The following ALPL variants were observed in gnomAD, a reference collection of about 807,000 sequenced individuals.
ALPL encodes alkaline phosphatase, tissue-nonspecific isozyme.
In ALPL, 42 loss-of-function variants were observed where a neutral mutation model predicts 51.3. That is an observed-to-expected ratio of 0.82 (90% CI 0.64 to 1.06). The LOEUF (loss-of-function observed/expected upper bound fraction) is 1.06. ALPL is among the 50% of genes least tolerant of loss of function. The probability of loss-of-function intolerance (pLI) is 0.00; values close to 1 mark genes in which losing one functional copy is unlikely to be tolerated. For missense variants in ALPL, 589 were observed against 709.4 expected (o/e 0.83, Z 1.93); for synonymous variants, 279 against 296.4 (o/e 0.94, Z 0.60).
intron 1 of ALPL, among the ~76,000 whole-genome samples, chr1:21,517,809 T>A (rs1392173059): frequency 6.6e-6 from 1 of 152,124 alleles, no homozygotes; most frequent in Non-Finnish European, 1.5e-5. Context: ...CCAGCATGTC[T>A]CCTTCCTCTC....
intron 8 of ALPL, 71 bp downstream of exon 8, chr1:21,570,445 C>A: frequency 6.6e-7 from 1 of 1,510,042 alleles, no homozygotes; most frequent in South Asian, 1.1e-5. Flanking sequence ...GTGGCCAGCA[C>A]CTGGGGACAA....
intron 1 of ALPL, among the ~76,000 whole-genome samples, chr1:21,517,799 CCA>C (rs1643828877): frequency 1.8e-4 from 28 of 152,116 alleles, no homozygotes; most frequent in Admixed American, 1.7e-3. Flanking sequence ...TGGCGAATAG[CCA>C]GCATGTCTCC....
At chr1:21,522,817 G>A (rs910769178) in intron 1 of ALPL, among the ~76,000 whole-genome samples, 2 of 152,178 alleles carry the variant, frequency 1.3e-5, no homozygotes, top group African/African-American at 4.8e-5. Flanking sequence ...GGGGACTTTA[G>A]AGAAGAAATG....
intron 8 of ALPL, among the ~76,000 whole-genome samples, chr1:21,571,300 C>A (rs1310108083): frequency 1.3e-5 from 2 of 152,130 alleles, no homozygotes; most frequent in African/African-American, 2.4e-5. Flanking sequence ...TGGAGACAAC[C>A]CCTGGGTTGT....
chr1:21,548,065 C>T (rs1167135487), intron 1 of ALPL, among the ~76,000 whole-genome samples: 2 of 152,204 alleles, frequency 1.3e-5, no homozygotes, highest in Admixed American at 6.5e-5. Context: ...ACTGGCCATG[C>T]GTAATCAGGC....
Position 21,558,885 on chromosome 1 carries a change from C to T in ALPL, c.62-1741C>T, listed in dbSNP as rs373753208. Among the ~76,000 whole-genome samples, 14 of 152,320 alleles carry T rather than the reference C, an allele frequency of 9.2e-5. No homozygotes were observed. The East Asian group carries it at 1.7e-3, about 19-fold the overall frequency. On this transcript the variant is annotated intron_variant, in intron 2 of 11. Transcript: ENST00000374840. ...AGAGCCACGGCGACGCGTGAGTTTCCGGTTCTCCCACTTGGGGCCCTAATC... is the reference window on the plus strand; with the variant it reads ...AGAGCCACGGCGACGCGTGAGTTTCTGGTTCTCCCACTTGGGGCCCTAATC...
rs35423948 is a variant in ALPL at position 21,563,291 on chromosome 1, CG to C, written c.472+12del. On this transcript the variant is annotated splice_region_variant and intron_variant, in intron 5 of 11. Transcript: ENST00000374840. ...CGCTGGGCCAAGGACGCTGGTGAGT[CG>C]GGGGAGCAGTGGGGAGCAGGGCCAG... 0.15 allele frequency: 245,629 copies of C among 1,607,190 alleles called. 20,642 individuals are homozygous for C. Among genetic ancestry groups the C allele is most frequent in the Middle Eastern group, 0.21 (1,207 of 5,880 alleles).
chr1:21,548,062 A>G (rs915609440), intron 1 of ALPL, among the ~76,000 whole-genome samples: 1 of 152,202 alleles, frequency 6.6e-6, no homozygotes, highest in Admixed American at 6.5e-5. Flanking sequence ...TGCACTGGCC[A>G]TGCGTAATCA....
intron 1 of ALPL, among the ~76,000 whole-genome samples, chr1:21,522,562 C>T (rs1300311917): frequency 2.0e-5 from 3 of 152,124 alleles, no homozygotes; most frequent in Non-Finnish European, 4.4e-5. Flanking sequence ...AATATGGGAA[C>T]CACCTCCCCT....
chr1:21,516,027 C>T (rs990956617), intron 1 of ALPL, among the ~76,000 whole-genome samples: 15 of 152,160 alleles, frequency 9.9e-5, no homozygotes, highest in Admixed American at 2.6e-4. Context: ...CACAGGCATT[C>T]GCCACCACGC....
chr1:21,522,098 G>T (rs1358228360), intron 1 of ALPL, among the ~76,000 whole-genome samples: 2 of 146,630 alleles, frequency 1.4e-5, no homozygotes, highest in East Asian at 4.0e-4. Context: ...TTGAGATGGA[G>T]TCTCGCTCTG....
intron 1 of ALPL, among the ~76,000 whole-genome samples, chr1:21,536,439 C>T (rs563782765): frequency 4.2e-4 from 64 of 152,264 alleles, no homozygotes; most frequent in Admixed American, 8.5e-4. Context: ...AAAGCCAAGA[C>T]GCACAATGGG....
At chr1:21,545,721 A>AGTGGCT (rs1644246276) in intron 1 of ALPL, among the ~76,000 whole-genome samples, 1 of 152,214 alleles carries the variant, frequency 6.6e-6, no homozygotes. Context: ...TCTTCTACTA[A>AGTGGCT]GTGGCTGCGC....
chr1:21,577,533 C>T lies in ALPL; in HGVS notation c.1460C>T (p.Ala487Val), dbSNP rs1229517379. The T allele has an allele frequency of 1.2e-6, 2 of 1,606,918 alleles. No homozygotes were observed. The highest frequency in any genetic ancestry group is 1.1e-5 in the South Asian group (1 of 91,084). The change falls in exon 12 of 12, where the codon GCA becomes GTA. Residue 487 changes from alanine to valine, a missense_variant. Transcript: ENST00000374840. The part of the protein sequence containing the change: ...QNYVPHVMAY[A>V]ACIGANLGHC... The stretch of plus-strand genomic sequence containing the variant: ...TACGTCCCCCACGTGATGGCGTATG[C>T]AGCCTGCATCGGGGCCAACCTCGGC...
At position 21,576,522 on chromosome 1, in the gene ALPL, G is replaced by T. The variant is rs1400042777; in HGVS notation, c.1190G>T (p.Gly397Val). ...GYTPRGNSIF[G>V]LAPMLSDTDK... ...CCCTGAACACCCCCTCCCTGTGCAGGTCTGGCCCCCATGCTGAGTGACACA... is the reference window on the plus strand; with the variant it reads ...CCCTGAACACCCCCTCCCTGTGCAGTTCTGGCCCCCATGCTGAGTGACACA... Residue 397 changes from glycine (G) to valine (V), a missense_variant and splice_region_variant, in exon 11 of 12, where the codon GGT becomes GTT. By Grantham distance (109) the Gly-to-Val change is moderately radical (BLOSUM62 -3). Transcript: ENST00000374840. The T allele has an allele frequency of 6.2e-7, 1 of 1,613,826 alleles. No individual in the cohort carries two copies. The highest frequency in any genetic ancestry group is 8.5e-7 in the Non-Finnish European group (1 of 1,179,850).
At chr1:21,553,021 T>A (rs1644353203) in intron 1 of ALPL, among the ~76,000 whole-genome samples, 1 of 152,016 alleles carries the variant, frequency 6.6e-6, no homozygotes, top group Non-Finnish European at 1.5e-5. Flanking sequence ...TGTAAAAACA[T>A]TCTTATGCCA....
At position 21,554,071 on chromosome 1, in the gene ALPL, T is replaced by C; in HGVS notation, c.-11T>C. 1 of 1,606,232 alleles carries C rather than the reference T, an allele frequency of 6.2e-7. No individual in the cohort carries two copies. The highest frequency in any genetic ancestry group is 8.5e-7 in the Non-Finnish European group (1 of 1,175,592). On this transcript the variant is annotated 5_prime_UTR_variant, in exon 2 of 12. Coordinates refer to ENST00000374840, the MANE Select transcript of ALPL (RefSeq NM_000478.6). The stretch of plus-strand genomic sequence containing the variant: ...TGGGCTCCAGGGATAAAGCAGGTCT[T>C]GGGGTGCACCATGATTTCACCATTC...
intron 1 of ALPL, among the ~76,000 whole-genome samples, chr1:21,545,180 T>C (rs1170814624): frequency 1.3e-5 from 2 of 152,248 alleles, no homozygotes; most frequent in African/African-American, 4.8e-5. Flanking sequence ...TATTTTAAGT[T>C]CAGCCTAGCA....
At chr1:21,532,482 C>T (rs1247425436) in intron 1 of ALPL, among the ~76,000 whole-genome samples, 1 of 152,080 alleles carries the variant, frequency 6.6e-6, no homozygotes, top group South Asian at 2.1e-4. Flanking sequence ...TGAGCTACTG[C>T]GCCCAGCCCA....
Sources: gnomAD v4.1 joint callset for allele counts (sites outside exome capture counted in the v4.1 genomes callset) on GRCh38, gnomAD v4.1.1 for gene constraint, MANE v1.5 for transcripts, NCBI Gene and HGNC (gene_info 2026-07-23, HGNC 2026-07-21) for gene names.